USP31: variants seen among roughly 807,000 people sequenced by gnomAD.
The protein encoded by USP31 is ubiquitin carboxyl-terminal hydrolase 31.
In USP31, 44 loss-of-function variants were observed where a neutral mutation model predicts 119.4. The ratio of observed to expected loss-of-function variants is 0.37; its 90% CI spans 0.29 to 0.47. The LOEUF is 0.47. USP31 is among the 20% of genes least tolerant of loss of function. USP31 has a pLI of 0.99. For missense variants in USP31, 1,643 were observed against 1,730.2 expected (o/e 0.95, Z 0.89); for synonymous variants, 749 against 705.6 (o/e 1.06, Z -0.97).
At chr16:23,071,793 A>T (rs1335342112) in intron 15 of USP31, among the ~76,000 whole-genome samples, 1 of 151,894 alleles carries the variant, frequency 6.6e-6, no homozygotes, top group Non-Finnish European at 1.5e-5. Flanking sequence ...TCCAGCCTCC[A>T]CAAGAGACCT....
intron 5 of USP31, among the ~76,000 whole-genome samples, chr16:23,103,941 A>T (rs908354070): frequency 6.6e-6 from 1 of 152,040 alleles, no homozygotes; most frequent in East Asian, 1.9e-4. Context: ...CATACATACA[A>T]ACAAACAAAC....
At chr16:23,109,022 T>TG (rs1280704226) in intron 1 of USP31, among the ~76,000 whole-genome samples, 5 of 152,164 alleles carry the variant, frequency 3.3e-5, no homozygotes, top group African/African-American at 1.2e-4. Flanking sequence ...TGGTGATGGA[T>TG]GCCAAGTTTC....
In USP31 at chr16:23,068,032, T is replaced by C. The variant is rs8047644; in HGVS notation, c.*14A>G. On this transcript the variant is annotated 3_prime_UTR_variant, in exon 16 of 16. Transcript: ENST00000219689. ...AAACATCTTTACAGATAAAACACTT[T>C]GATTGCAGAAATATCACTGAGGTTT... is the stretch of plus-strand genomic sequence containing the variant. 1,442,171 of 1,596,966 alleles carry C rather than the reference T, an allele frequency of 0.9. 653,465 individuals are homozygous for C. The highest frequency in any genetic ancestry group is 0.98 in the African/African-American group (73,030 of 74,240).
chr16:23,070,688 G>A lies in USP31; in HGVS notation c.2489-1072C>T, dbSNP rs191153883. On this transcript the variant is annotated intron_variant, in intron 15 of 15. Coordinates refer to ENST00000219689, the MANE Select transcript of USP31 (RefSeq NM_020718.4). The stretch of plus-strand genomic sequence containing the variant: ...GAGATCGCGCCACTACACTCCAGCC[G>A]GGAGACAGAGACAGACTCCGTTTAA... Among the ~76,000 whole-genome samples the A allele has an allele frequency of 4.0e-3, 605 of 150,336 alleles. 6 individuals are homozygous for A. The highest frequency in any genetic ancestry group is 0.013 in the African/African-American group (546 of 41,064).
chr16:23,082,477 C>T lies in USP31; in HGVS notation c.1911G>A (p.Leu637=). The T allele has an allele frequency of 6.2e-7, 1 of 1,614,204 alleles. No individual in the cohort carries two copies. The highest frequency in any genetic ancestry group is 1.1e-5 in the South Asian group (1 of 91,088). Residue 637 remains leucine, a synonymous_variant, in exon 12 of 16, where the codon CTG becomes CTA. Coordinates refer to ENST00000219689, the MANE Select transcript of USP31 (RefSeq NM_020718.4). ...TTAGATGTATAATAAGCACATCAGG[C>T]AGAGTCCAGAGGCTTAACGTAATGC... ...QGSITLSLWT[L]PDVLIIHLKR... is the part of the protein sequence containing the mutation.
chr16:23,111,848 T>C (rs1902329120), intron 1 of USP31, among the ~76,000 whole-genome samples: 1 of 152,164 alleles, frequency 6.6e-6, no homozygotes, highest in African/African-American at 2.4e-5. Flanking sequence ...TGTTGAAGAA[T>C]GATAAAGGAG....
Position 23,079,848 on chromosome 16 carries a change from G to A in USP31, c.2176+98C>T, listed in dbSNP as rs114428436. The A allele has an allele frequency of 7.5e-4, 874 of 1,164,006 alleles. 7 individuals carry two copies. The African/African-American group carries it at 0.011, about 15-fold the overall frequency. The allele number at this position is 1,164,006 out of a possible 1,614,324, so 72.1% of individuals were successfully genotyped here. A position where few individuals can be genotyped will look rare whatever the true frequency, so the allele number is the denominator to read the frequency against. On this transcript the variant is annotated intron_variant, in intron 13 of 15. Transcript: ENST00000219689. ...CCTCACAGTTGGCACACTGCCTACC[G>A]GAGGGGAAATGAGGCTCTAAAGTCA...
chr16:23,080,565 A>G (rs1013069159), intron 12 of USP31, among the ~76,000 whole-genome samples: 1 of 152,224 alleles, frequency 6.6e-6, no homozygotes, highest in Non-Finnish European at 1.5e-5. Flanking sequence ...CGCCTGGTGC[A>G]GAAGAGCCTC....
chr16:23,095,299 A>G (rs919141333), intron 6 of USP31, among the ~76,000 whole-genome samples: 7 of 152,202 alleles, frequency 4.6e-5, no homozygotes, highest in Non-Finnish European at 8.8e-5. Flanking sequence ...GTTAGAGAAA[A>G]AAGAGTAAAA....
intron 5 of USP31, among the ~76,000 whole-genome samples, chr16:23,104,148 T>C (rs1901997457): frequency 6.6e-6 from 1 of 152,212 alleles, no homozygotes; most frequent in South Asian, 2.1e-4. Context: ...GGAGTTGGAC[T>C]AGACCTATGA....
At chr16:23,133,445 G>A (rs1411472727) in intron 1 of USP31, among the ~76,000 whole-genome samples, 1 of 152,164 alleles carries the variant, frequency 6.6e-6, no homozygotes, top group Non-Finnish European at 1.5e-5. Flanking sequence ...TGCACATGAG[G>A]GAGTTGGGGG....
intron 1 of USP31, among the ~76,000 whole-genome samples, chr16:23,114,465 A>G (rs1053477538): frequency 2.6e-5 from 4 of 152,138 alleles, no homozygotes; most frequent in Admixed American, 1.3e-4. Context: ...AAAAAAAAAA[A>G]AAAAGAAAGT....
chr16:23,146,867 A>G (rs927333930), intron 1 of USP31, among the ~76,000 whole-genome samples: 4 of 152,042 alleles, frequency 2.6e-5, no homozygotes, highest in African/African-American at 9.7e-5. Flanking sequence ...ACCTTTTGCC[A>G]TGAATTGAAG....
chr16:23,112,645 T>G (rs944398148), intron 1 of USP31, among the ~76,000 whole-genome samples: 1 of 152,210 alleles, frequency 6.6e-6, no homozygotes, highest in African/African-American at 2.4e-5. Flanking sequence ...TATGGCCTTA[T>G]GTTCCCCTCA....
chr16:23,137,953 A>G (rs997464468), intron 1 of USP31, among the ~76,000 whole-genome samples: 2 of 152,194 alleles, frequency 1.3e-5, no homozygotes, highest in Admixed American at 6.5e-5. Flanking sequence ...TTTAAAAATC[A>G]TAATCCAAAG....
intron 1 of USP31, among the ~76,000 whole-genome samples, chr16:23,133,340 T>G (rs1255478111): frequency 6.6e-6 from 1 of 152,164 alleles, no homozygotes; most frequent in Non-Finnish European, 1.5e-5. Flanking sequence ...GCAAGCTGTC[T>G]TTGGTTGTGC....
intron 6 of USP31, among the ~76,000 whole-genome samples, chr16:23,097,273 C>T (rs1901654661): frequency 1.3e-5 from 2 of 152,078 alleles, no homozygotes; most frequent in Admixed American, 6.6e-5. Flanking sequence ...ACACATACAC[C>T]CTCCCAAGAC....
chr16:23,106,327 C>T (rs946869287), intron 3 of USP31, 22 bp from the exon 4 acceptor site: 11 of 1,613,690 alleles, frequency 6.8e-6, no homozygotes, highest in Middle Eastern at 3.3e-4. Flanking sequence ...AAAGGTAAGA[C>T]GCTTGACATT....
Position 23,149,399 on chromosome 16 carries a change from C to T in USP31, c.-129G>A, listed in dbSNP as rs1903655906. 2.1e-6 allele frequency: 2 copies of T among 971,702 alleles called. No homozygotes were observed. The highest frequency in any genetic ancestry group is 2.4e-6 in the Non-Finnish European group (2 of 818,888). 60.2% of individuals were successfully genotyped at this position (971,702 alleles called of 1,614,324 possible). A position where few individuals can be genotyped will look rare whatever the true frequency, so the allele number is the denominator to read the frequency against. Reference sequence around the variant, plus strand: ...GCTCGACGCCCCACACACCTCAAAGCGCAGCCGAGCCAGCGAGCGAGCGGC... The same window carrying T: ...GCTCGACGCCCCACACACCTCAAAGTGCAGCCGAGCCAGCGAGCGAGCGGC... On this transcript the variant is annotated 5_prime_UTR_variant, in exon 1 of 16. Transcript: ENST00000219689.
Sources: allele counts gnomAD v4.1 joint callset (sites outside exome capture counted in the v4.1 genomes callset), GRCh38; gene constraint gnomAD v4.1.1; transcripts MANE v1.5; gene names NCBI Gene and HGNC (gene_info 2026-07-23, HGNC 2026-07-21).